The following R3HDM1 variants were observed in gnomAD, a reference collection of about 807,000 sequenced individuals.
R3HDM1 encodes R3H domain-containing protein 1.
R3HDM1 carries 46 observed loss-of-function variants against 141.1 expected under a neutral mutation model. The observed-to-expected ratio is 0.33, with a 90% CI of 0.26 to 0.42. The LOEUF (loss-of-function observed/expected upper bound fraction) is 0.42, where lower values mean the gene tolerates loss of function less well. R3HDM1 is among the 10% of genes least tolerant of loss of function. R3HDM1 has a pLI of 1.00. For missense variants in R3HDM1, 1,184 were observed against 1,368.3 expected (o/e 0.87, Z 2.12); for synonymous variants, 435 against 472.9 (o/e 0.92, Z 1.04).
chr2:135,698,498 T>G (rs1213760337), intron 21 of R3HDM1, among the ~76,000 whole-genome samples: 1 of 152,174 alleles, frequency 6.6e-6, no homozygotes, highest in Non-Finnish European at 1.5e-5. Flanking sequence ...ATGTTCTGTT[T>G]CCCAATCTGA....
intron 1 of R3HDM1, among the ~76,000 whole-genome samples, chr2:135,593,603 T>C (rs550081407): frequency 6.6e-6 from 1 of 152,330 alleles, no homozygotes; most frequent in African/African-American, 2.4e-5. Context: ...CACTACCATT[T>C]TGCTAGTGTT....
chr2:135,610,527 A>T (rs2060446552), intron 3 of R3HDM1, among the ~76,000 whole-genome samples: 1 of 152,218 alleles, frequency 6.6e-6, no homozygotes. Flanking sequence ...TATGTCTTGT[A>T]TCCCTCAAGT....
At chr2:135,536,986 C>CACCT (rs1696280057) in intron 1 of R3HDM1, among the ~76,000 whole-genome samples, 1 of 151,986 alleles carries the variant, frequency 6.6e-6, no homozygotes, top group Admixed American at 6.5e-5. Flanking sequence ...CCGCCTGCAC[C>CACCT]ATCTGGGGAA....
intron 19 of R3HDM1, among the ~76,000 whole-genome samples, chr2:135,666,002 G>A (rs1475085620): frequency 6.6e-6 from 1 of 152,092 alleles, no homozygotes; most frequent in Non-Finnish European, 1.5e-5. Context: ...GCAACCATTT[G>A]ATAACTTCAA....
At chr2:135,624,145 C>T (rs555620309) in intron 7 of R3HDM1, among the ~76,000 whole-genome samples, 8 of 152,290 alleles carry the variant, frequency 5.3e-5, no homozygotes, top group Admixed American at 2.0e-4. Flanking sequence ...CTTGTAATCC[C>T]AGCACTTTGG....
chr2:135,653,787 G>A (rs2065428632), intron 18 of R3HDM1, among the ~76,000 whole-genome samples: 1 of 152,116 alleles, frequency 6.6e-6, no homozygotes, highest in African/African-American at 2.4e-5. Context: ...AATTAGCTGG[G>A]TGTGGTGGTG....
rs1694672688 is a variant in R3HDM1 at position 135,531,527 on chromosome 2, G to A, written c.-356G>A. 2 of 985,616 alleles carry A rather than the reference G, an allele frequency of 2.0e-6. No homozygotes were observed. The highest frequency in any genetic ancestry group is 3.5e-5 in the African/African-American group (2 of 57,162). The allele number at this position is 985,616 out of a possible 1,614,324, so 61.1% of individuals were successfully genotyped here. A position where few individuals can be genotyped will look rare whatever the true frequency, so the allele number is the denominator to read the frequency against. The stretch of plus-strand genomic sequence containing the variant: ...GCCGCTGGAGCCGGTGTCCGGGCTG[G>A]TGATGGGGTTAATTCCCTTTCGTAA... On this transcript the variant is annotated 5_prime_UTR_variant, in exon 1 of 27. It adds an upstream start codon to the 5' untranslated region. Coordinates refer to ENST00000683871, the MANE Select transcript of R3HDM1 (RefSeq NM_001378107.1).
chr2:135,607,339 C>CT, intron 3 of R3HDM1: 7 of 985,038 alleles, frequency 7.1e-6, no homozygotes, highest in Non-Finnish European at 8.4e-6. Flanking sequence ...CAAAAACTGT[C>CT]TTTTTTTCCT....
At chr2:135,720,926 T>C (rs1036679707) in intron 24 of R3HDM1, among the ~76,000 whole-genome samples, 1 of 152,212 alleles carries the variant, frequency 6.6e-6, no homozygotes, top group African/African-American at 2.4e-5. Flanking sequence ...TGATATGGAT[T>C]TCAGCACCTC....
chr2:135,533,369 T>C (rs892313095), intron 1 of R3HDM1, among the ~76,000 whole-genome samples: 4 of 152,220 alleles, frequency 2.6e-5, no homozygotes, highest in Non-Finnish European at 4.4e-5. Flanking sequence ...GCTGCCAGCA[T>C]AGTATTTTCC....
At chr2:135,604,691 T>C in intron 2 of R3HDM1, 115 bp from the exon 3 acceptor site, 1 of 760,750 alleles carries the variant, frequency 1.3e-6, no homozygotes, top group African/African-American at 1.8e-5. Context: ...AAATCAAGAA[T>C]TTTGTTCCTG....
At chr2:135,581,849 T>G (rs1374516778) in intron 1 of R3HDM1, among the ~76,000 whole-genome samples, 1 of 152,166 alleles carries the variant, frequency 6.6e-6, no homozygotes, top group Admixed American at 6.5e-5. Flanking sequence ...AATCTCTCAG[T>G]TTATGTTCTT....
chr2:135,708,327 G>GA (rs1369441036), intron 21 of R3HDM1, among the ~76,000 whole-genome samples: 2 of 152,086 alleles, frequency 1.3e-5, no homozygotes, highest in Non-Finnish European at 2.9e-5. Flanking sequence ...ATTTGTCTTA[G>GA]AGTTTCCCAT....
At chr2:135,603,635 C>T (rs2059806335) in intron 2 of R3HDM1, among the ~76,000 whole-genome samples, 1 of 151,864 alleles carries the variant, frequency 6.6e-6, no homozygotes. Context: ...TGTGACAGAG[C>T]CTCACTCTGT....
chr2:135,562,571 G>A (rs1344865193), intron 1 of R3HDM1, among the ~76,000 whole-genome samples: 1 of 152,124 alleles, frequency 6.6e-6, no homozygotes, highest in Non-Finnish European at 1.5e-5. Context: ...TGCAAATTGA[G>A]AGTTCACTTA....
intron 19 of R3HDM1, among the ~76,000 whole-genome samples, chr2:135,662,933 T>C (rs557088610): frequency 1.2e-4 from 18 of 152,156 alleles, no homozygotes; most frequent in Admixed American, 2.6e-4. Context: ...TAAATATCCT[T>C]GCGTGTGACT....
rs1156864356 is a variant in R3HDM1 at position 135,616,751 on chromosome 2, G to A, written c.297G>A (p.Glu99=). ...CCCCTGCACCAGAGATATCACAGGAGAACCAGGTAAAAAAGCAAAACAAAT... is the reference window on the plus strand; with the variant it reads ...CCCCTGCACCAGAGATATCACAGGAAAACCAGGTAAAAAAGCAAAACAAAT... ...PPPPAPEISQ[E]NQEKIQIQLT... is the part of the protein sequence containing the mutation. Residue 99 remains glutamate (E), a synonymous_variant, in exon 5 of 27, where the codon GAG becomes GAA. Coordinates refer to ENST00000683871, the MANE Select transcript of R3HDM1 (RefSeq NM_001378107.1). 2.5e-6 allele frequency: 4 copies of A among 1,598,886 alleles called. No homozygotes were observed. The highest frequency in any genetic ancestry group is 1.3e-5 in the African/African-American group (1 of 74,774).
intron 1 of R3HDM1, among the ~76,000 whole-genome samples, chr2:135,555,326 T>C (rs1700545730): frequency 6.6e-6 from 1 of 150,628 alleles, no homozygotes; most frequent in Admixed American, 6.6e-5. Flanking sequence ...AAAATAGATG[T>C]CATCTGTCCT....
At chr2:135,590,633 A>T (rs1264241155) in intron 1 of R3HDM1, 13 of 985,252 alleles carry the variant, frequency 1.3e-5, no homozygotes, top group Non-Finnish European at 1.6e-5. Context: ...TACTTTAAAG[A>T]GAAATTATAT....
Sources: allele counts gnomAD v4.1 joint callset (sites outside exome capture counted in the v4.1 genomes callset), GRCh38; gene constraint gnomAD v4.1.1; transcripts MANE v1.5; gene names NCBI Gene and HGNC (gene_info 2026-07-23, HGNC 2026-07-21).